NRDE2: variants seen among roughly 807,000 people sequenced by gnomAD.
NRDE2 encodes NRDE-2, necessary for RNA interference, domain containing, also known as nuclear exosome regulator NRDE2.
NRDE2 carries 76 observed loss-of-function variants against 124.2 expected under a neutral mutation model. The observed-to-expected ratio is 0.61, with a 90% CI of 0.51 to 0.74. NRDE2 has a LOEUF of 0.74. Ranked by LOEUF, NRDE2 falls within the 30% of genes least tolerant of loss-of-function variation. The probability of loss-of-function intolerance (pLI) is 0.00; values close to 1 mark genes in which losing one functional copy is unlikely to be tolerated. For synonymous variants in NRDE2, 489 were observed against 528.1 expected (o/e 0.93, Z 1.01); for missense variants, 1,314 against 1,417.3 (o/e 0.93, Z 1.17).
chr14:90,319,420 C>T (rs1566700953), intron 1 of NRDE2, among the ~76,000 whole-genome samples: 1 of 152,140 alleles, frequency 6.6e-6, no homozygotes, highest in Non-Finnish European at 1.5e-5. Flanking sequence ...ATCTTCATAA[C>T]TTTAGAACAT....
At position 90,290,534 on chromosome 14, in the gene NRDE2, G is replaced by T; in HGVS notation, c.1916C>A (p.Ala639Asp). The change falls in exon 10 of 14, where the codon GCC becomes GAC. Residue 639 changes from alanine (A) to aspartate (D), a missense_variant. Coordinates refer to ENST00000354366, the MANE Select transcript of NRDE2 (RefSeq NM_017970.4). Reference protein sequence around the residue: ...SHDLQFQLVEAFLQFLGVPSG... With the variant: ...SHDLQFQLVEDFLQFLGVPSG... ...AGGCACACCCAAGAACTGCAGGAAGGCCTCCACCAGCTGGAACTGAAGATC... is the reference window on the plus strand; with the variant it reads ...AGGCACACCCAAGAACTGCAGGAAGTCCTCCACCAGCTGGAACTGAAGATC... 1.2e-6 allele frequency: 2 copies of T among 1,613,998 alleles called. No individual in the cohort carries two copies. Among genetic ancestry groups the T allele is most frequent in the South Asian group, 1.1e-5 (1 of 91,084 alleles).
Position 90,304,237 on chromosome 14 carries a change from C to T in NRDE2, c.703G>A (p.Asp235Asn), listed in dbSNP as rs778011988. The T allele has an allele frequency of 1.2e-5, 19 of 1,614,128 alleles. No individual in the cohort carries two copies. The highest frequency in any genetic ancestry group is 3.3e-5 in the Admixed American group (2 of 60,016). The change falls in exon 5 of 14, where the codon GAT becomes AAT. Residue 235 changes from aspartate to asparagine, a missense_variant. Asp to Asn is a conservative substitution (Grantham distance 23). Transcript: ENST00000354366. ...TKKSVGLMNI[D>N]GVAISSKTEP... ...GTTTTACTGCTAATGGCAACTCCAT[C>T]GATGTTCATTAATCCCACACTCTTC...
intron 1 of NRDE2, among the ~76,000 whole-genome samples, chr14:90,319,193 C>T (rs1328176582): frequency 3.3e-5 from 5 of 152,084 alleles, no homozygotes; most frequent in East Asian, 1.9e-4. Context: ...AGGGAGCCCA[C>T]GGGGGGTTTG....
At chr14:90,309,670 C>G (rs762239419) in intron 4 of NRDE2, among the ~76,000 whole-genome samples, 2 of 152,158 alleles carry the variant, frequency 1.3e-5, no homozygotes, top group Non-Finnish European at 2.9e-5. Context: ...CTCTCAAAAG[C>G]TGGTGCCATA....
At chr14:90,278,622 G>A (rs1891866391) in intron 13 of NRDE2, 161 bp from the exon 14 acceptor site, 1 of 813,840 alleles carries the variant, frequency 1.2e-6, no homozygotes, top group African/African-American at 1.7e-5. Context: ...GGGCAGCACT[G>A]GGCATGTTCA....
Position 90,288,918 on chromosome 14 carries a change from G to C in NRDE2, c.2457C>G (p.Asp819Glu), listed in dbSNP as rs1472729782. 1.2e-6 allele frequency: 2 copies of C among 1,613,442 alleles called. No individual in the cohort carries two copies. Among genetic ancestry groups the C allele is most frequent in the Non-Finnish European group, 1.7e-6 (2 of 1,179,500 alleles). ...CATAGAGCAGACTGAGCTCACAGAG[G>C]TCAGAGTCTTTCAGTTCTCTGCTTC... ...MAGSRELKDSDLCELSLLYAE... is the reference protein window; with the variant it reads ...MAGSRELKDSELCELSLLYAE... Residue 819 changes from aspartate to glutamate, a missense_variant, in exon 11 of 14, where the codon GAC (aspartate) becomes GAG (glutamate). Coordinates refer to ENST00000354366, the MANE Select transcript of NRDE2 (RefSeq NM_017970.4).
In NRDE2 at chr14:90,272,284, A is replaced by G. The variant is rs1891691250; in HGVS notation, c.*6052T>C. ...CTTCTTTCTTACAGGCAATCTGTAC[A>G]GAAGCTGGTCTGATGGCCTTAAGAG... On this transcript the variant is annotated 3_prime_UTR_variant, in exon 14 of 14. Transcript: ENST00000354366. This position sits in a 1 kb window ranked among gnomAD's most constrained non-coding sequence, Gnocchi z 4.5. 6.2e-7 allele frequency: 1 copy of G among 1,603,680 alleles called. No homozygotes were observed. Among genetic ancestry groups the G allele is most frequent in the Non-Finnish European group, 8.5e-7 (1 of 1,178,148 alleles).
intron 4 of NRDE2, among the ~76,000 whole-genome samples, chr14:90,307,042 T>C (rs753511190): frequency 1.2e-4 from 19 of 152,310 alleles, no homozygotes; most frequent in Admixed American, 1.3e-4. Flanking sequence ...ACAAATTAGA[T>C]GAAAATGATA....
chr14:90,268,132 G>A lies in NRDE2; in HGVS notation c.*10204C>T. 1 of 1,053,798 alleles carries A rather than the reference G, an allele frequency of 9.5e-7. No individual in the cohort carries two copies. Among genetic ancestry groups the A allele is most frequent in the South Asian group, 1.7e-5 (1 of 58,036 alleles). 65.3% of individuals were successfully genotyped at this position (1,053,798 alleles called of 1,614,324 possible). On this transcript the variant is annotated 3_prime_UTR_variant, in exon 14 of 14. Transcript: ENST00000354366. ...TTAGCATGAGGGCCCGCCTGTTTTTGGTGTCCATTTAAGGTGGTAATGATA... is the reference window on the plus strand; with the variant it reads ...TTAGCATGAGGGCCCGCCTGTTTTTAGTGTCCATTTAAGGTGGTAATGATA...
chr14:90,270,120 G>A lies in NRDE2; in HGVS notation c.*8216C>T. 1 of 1,490,182 alleles carries A rather than the reference G, an allele frequency of 6.7e-7. No individual in the cohort carries two copies. Among genetic ancestry groups the A allele is most frequent in the East Asian group, 2.3e-5 (1 of 43,484 alleles). The allele number at this position is 1,490,182 out of a possible 1,614,324, so 92.3% of individuals were successfully genotyped here. On this transcript the variant is annotated 3_prime_UTR_variant, in exon 14 of 14. Coordinates refer to ENST00000354366, the MANE Select transcript of NRDE2 (RefSeq NM_017970.4). ...CCGACTGAAACTTCGTATGTAAGGA[G>A]ATGGGCTGAGGCCTCTGAGCCATGG...
chr14:90,291,921 A>G (rs1270379802), intron 9 of NRDE2, among the ~76,000 whole-genome samples: 1 of 152,276 alleles, frequency 6.6e-6, no homozygotes, highest in African/African-American at 2.4e-5. Flanking sequence ...AGAGCACTCA[A>G]CAAAAGGGAT....
chr14:90,330,223 A>AAATAAATAAATAAAT (rs1268095960), intron 1 of NRDE2, among the ~76,000 whole-genome samples: 16 of 24,436 alleles, frequency 6.5e-4, no homozygotes, highest in African/African-American at 3.5e-3. Flanking sequence ...AAAAATAAAT[A>AAATAAATAAATAAAT]AATAAATAAA....
Position 90,303,000 on chromosome 14 carries a change from G to T in NRDE2, c.1131C>A (p.Asn377Lys), listed in dbSNP as rs770412914. ...CCAGTTTCAGATCCACACTGCTCTGGTTGCTCTCAATGGCCCGCTCCAGAA... is the reference window on the plus strand; with the variant it reads ...CCAGTTTCAGATCCACACTGCTCTGTTTGCTCTCAATGGCCCGCTCCAGAA... The part of the protein sequence containing the change: ...LAILERAIES[N>K]QSSVDLKLAK... Residue 377 changes from asparagine (N) to lysine (K), a missense_variant, in exon 6 of 14, where the codon AAC becomes AAA. By Grantham distance (94) the Asn-to-Lys change is moderately conservative. Transcript: ENST00000354366. The T allele has an allele frequency of 7.4e-6, 12 of 1,614,042 alleles. No homozygotes were observed. Among genetic ancestry groups the T allele is most frequent in the African/African-American group, 1.3e-5 (1 of 75,052 alleles).
chr14:90,275,314 T>A lies in NRDE2; in HGVS notation c.*3022A>T, dbSNP rs1245701382. On this transcript the variant is annotated 3_prime_UTR_variant, in exon 14 of 14. Coordinates refer to ENST00000354366, the MANE Select transcript of NRDE2 (RefSeq NM_017970.4). ...GCTGACTTCCTGTTCAGTGTCTGTATCGTGGGCGGGTAGCAGACTCTCAGC... is the reference window on the plus strand; with the variant it reads ...GCTGACTTCCTGTTCAGTGTCTGTAACGTGGGCGGGTAGCAGACTCTCAGC... 6.6e-6 allele frequency: 1 copy of A among 152,164 alleles called. No homozygotes were observed. The highest frequency in any genetic ancestry group is 1.5e-5 in the Non-Finnish European group (1 of 68,032). The allele number at this position is 152,164 out of a possible 1,614,324, so 9.4% of individuals were successfully genotyped here.
At chr14:90,314,519 T>C (rs1332461610) in intron 3 of NRDE2, among the ~76,000 whole-genome samples, 2 of 152,210 alleles carry the variant, frequency 1.3e-5, no homozygotes, top group Non-Finnish European at 2.9e-5. Context: ...TGATTAAGCA[T>C]AGGCTGAAAT....
intron 4 of NRDE2, among the ~76,000 whole-genome samples, chr14:90,308,427 A>G (rs190423539): frequency 6.6e-6 from 1 of 152,290 alleles, no homozygotes; most frequent in Admixed American, 6.5e-5. Flanking sequence ...ACTTCCACTC[A>G]TTAGTACTGG....
intron 12 of NRDE2, chr14:90,279,599 C>CAGG (rs1210316109): frequency 6.5e-6 from 1 of 154,398 alleles, no homozygotes; most frequent in Non-Finnish European, 1.4e-5. Flanking sequence ...AAGAGATGGC[C>CAGG]AGGACTGTGA....
rs1891787844 is a variant in NRDE2, at chr14:90,275,625, TTTCGGCAGC to T, written c.*2702_*2710del. The T allele has an allele frequency of 6.6e-6, 1 of 152,206 alleles. No individual in the cohort carries two copies. The highest frequency in any genetic ancestry group is 2.4e-5 in the African/African-American group (1 of 41,434). 9.4% of individuals were successfully genotyped at this position (152,206 alleles called of 1,614,324 possible). A position where few individuals can be genotyped will look rare whatever the true frequency, so the allele number is the denominator to read the frequency against. On this transcript the variant is annotated 3_prime_UTR_variant, in exon 14 of 14. Coordinates refer to ENST00000354366, the MANE Select transcript of NRDE2 (RefSeq NM_017970.4). ...ACTGACCAAAATGCTGAAATTACCG[TTTCGGCAGC>T]TGGTCACTGAGGCCTGCGGTGCCAA...
chr14:90,319,482 A>C (rs1442914785), intron 1 of NRDE2, among the ~76,000 whole-genome samples: 1 of 152,072 alleles, frequency 6.6e-6, no homozygotes, highest in Non-Finnish European at 1.5e-5. Flanking sequence ...CACTCCTATC[A>C]CCCACCTCCT....
Sources: allele counts gnomAD v4.1 joint callset (sites outside exome capture counted in the v4.1 genomes callset), GRCh38; gene constraint gnomAD v4.1.1; non-coding constraint Gnocchi (gnomAD v3.1); transcripts MANE v1.5; gene names NCBI Gene and HGNC (gene_info 2026-07-23, HGNC 2026-07-21).